CAPN2: variants seen among roughly 807,000 people sequenced by gnomAD.
CAPN2 encodes calpain-2 catalytic subunit.
Under a neutral mutation model 102.3 loss-of-function variants are expected in CAPN2, and 92 were observed. The observed-to-expected ratio is 0.90, with a 90% CI of 0.76 to 1.07. The LOEUF is 1.07. CAPN2 is among the 50% of genes least tolerant of loss of function. The probability of loss-of-function intolerance (pLI) is 0.00; values close to 1 mark genes in which losing one functional copy is unlikely to be tolerated. For missense variants in CAPN2, 800 were observed against 909.4 expected, an observed-to-expected ratio of 0.88 and a Z score of 1.55; for synonymous variants, 340 against 355.4, an observed-to-expected ratio of 0.96 and a Z score of 0.49.
chr1:223,770,300 T>G, intron 17 of CAPN2, 147 bp from the exon 18 acceptor site: 1 of 625,022 alleles, frequency 1.6e-6, no homozygotes, highest in Middle Eastern at 2.6e-4. Context: ...TATTAGTTAT[T>G]TAAGGCAGAA....
At chr1:223,734,183 C>G (rs1017184897) in intron 2 of CAPN2, among the ~76,000 whole-genome samples, 3 of 152,246 alleles carry the variant, frequency 2.0e-5, no homozygotes, top group African/African-American at 7.2e-5. Flanking sequence ...GAGACCCGGT[C>G]AGGCCTGGGT....
chr1:223,730,635 G>A (rs1285899191), intron 2 of CAPN2, among the ~76,000 whole-genome samples: 4 of 152,188 alleles, frequency 2.6e-5, no homozygotes, highest in Non-Finnish European at 5.9e-5. Flanking sequence ...AGTCTGTTTT[G>A]TGAGTCTTAA....
chr1:223,730,746 C>T (rs951010002), intron 2 of CAPN2, among the ~76,000 whole-genome samples: 1 of 152,184 alleles, frequency 6.6e-6, no homozygotes, highest in Non-Finnish European at 1.5e-5. Context: ...GTGGCCTGAA[C>T]TTGTTTTTCA....
chr1:223,730,010 CAAAAAAAAAAAAAAAAAAAA>C (rs57382658), intron 2 of CAPN2, among the ~76,000 whole-genome samples: 1 of 79,038 alleles, frequency 1.3e-5, no homozygotes, highest in South Asian at 6.1e-4. Flanking sequence ...CCCAAAAAAC[CAAAAAAAAAAAAAAAAAAAA>C]AAAAACGAAA....
intron 2 of CAPN2, among the ~76,000 whole-genome samples, chr1:223,728,123 G>A (rs1660245488): frequency 6.6e-6 from 1 of 152,114 alleles, no homozygotes; most frequent in African/African-American, 2.4e-5. Context: ...TGTCACACCT[G>A]TATCTAGTGT....
At chr1:223,774,155 C>G (rs1480702829) in intron 20 of CAPN2, among the ~76,000 whole-genome samples, 1 of 151,468 alleles carries the variant, frequency 6.6e-6, no homozygotes, top group Non-Finnish European at 1.5e-5. Flanking sequence ...ACCCCAGCCA[C>G]CCACCCCCAC....
At chr1:223,734,655 C>T (rs1412239649) in intron 2 of CAPN2, among the ~76,000 whole-genome samples, 1 of 152,120 alleles carries the variant, frequency 6.6e-6, no homozygotes, top group Non-Finnish European at 1.5e-5. Flanking sequence ...AACCCTGGCA[C>T]CCTTTCGAGG....
intron 2 of CAPN2, among the ~76,000 whole-genome samples, chr1:223,739,182 ATTT>A (rs5781334): frequency 4.5e-5 from 6 of 132,426 alleles, no homozygotes; most frequent in Admixed American, 7.8e-5. Context: ...GCATAAACAG[ATTT>A]TTTTTTTTTT....
At position 223,766,499 on chromosome 1, in the gene CAPN2, A is replaced by G. The variant is rs1571819195; in HGVS notation, c.1755+68A>G. On this transcript the variant is annotated intron_variant, in intron 16 of 20. Transcript: ENST00000295006. ...TAAAATCTCACTCCAGAAAGATTCAAACACATGGCCTTCTCCCTTTTCAAA... is the reference window on the plus strand; with the variant it reads ...TAAAATCTCACTCCAGAAAGATTCAGACACATGGCCTTCTCCCTTTTCAAA... 11 of 1,214,440 alleles carry G rather than the reference A, an allele frequency of 9.1e-6. No individual in the cohort carries two copies. The East Asian group carries it at 1.9e-4, about 21-fold the overall frequency. 75.2% of individuals were successfully genotyped at this position (1,214,440 alleles called of 1,614,324 possible).
At chr1:223,752,739 C>T in intron 8 of CAPN2, 57 bp from the exon 9 acceptor site, 1 of 1,581,028 alleles carries the variant, frequency 6.3e-7, no homozygotes, top group Non-Finnish European at 8.7e-7. Context: ...GGTGGAAAGT[C>T]AAGGCTTACC....
At chr1:223,772,293 G>C in intron 20 of CAPN2, 54 bp downstream of exon 20, 1 of 1,481,636 alleles carries the variant, frequency 6.7e-7, no homozygotes, top group Non-Finnish European at 9.4e-7. Flanking sequence ...GCATGGGGCG[G>C]AAAGGGCTGT....
chr1:223,711,226 T>C (rs1659719754), upstream of CAPN2, among the ~76,000 whole-genome samples: 1 of 152,200 alleles, frequency 6.6e-6, no homozygotes, highest in South Asian at 2.1e-4. Flanking sequence ...ACCACTGCTG[T>C]AGACCATGCA....
chr1:223,715,057 G>A (rs1646036460), intron 1 of CAPN2, among the ~76,000 whole-genome samples: 1 of 152,224 alleles, frequency 6.6e-6, no homozygotes, highest in Non-Finnish European at 1.5e-5. Context: ...CATAGATCCA[G>A]GACTGTGTGT....
chr1:223,755,681 C>A lies in CAPN2; in HGVS notation c.1305+32C>A. The A allele has an allele frequency of 1.3e-6, 2 of 1,527,298 alleles. No individual in the cohort carries two copies. The highest frequency in any genetic ancestry group is 1.8e-6 in the Non-Finnish European group (2 of 1,136,196). 94.6% of individuals were successfully genotyped at this position (1,527,298 alleles called of 1,614,324 possible). ...AGCGCAGGGGCTCCTGCCCTCCCTT[C>A]CCCATGTGTTCATCTCAGCCCCTGC... On this transcript the variant is annotated intron_variant, in intron 10 of 20. Transcript: ENST00000295006. This position sits in a 1 kb window ranked among gnomAD's most constrained non-coding sequence, Gnocchi z 4.1.
At chr1:223,702,674 G>C (rs1659514875) in intron 1 of CAPN2, among the ~76,000 whole-genome samples, 1 of 152,182 alleles carries the variant, frequency 6.6e-6, no homozygotes, top group South Asian at 2.1e-4. Flanking sequence ...CTCCCAGAGA[G>C]AGAAGCAGCC....
rs1660207133 is a variant in CAPN2, at chr1:223,726,872, A to T, written c.307+9041A>T. ...AGACTCTGAAATGAGTAACAAAGGGATGGCCCAGGGTGACTCATCAGCTAC... is the reference window on the plus strand; with the variant it reads ...AGACTCTGAAATGAGTAACAAAGGGTTGGCCCAGGGTGACTCATCAGCTAC... On this transcript the variant is annotated intron_variant, in intron 2 of 20. Coordinates refer to ENST00000295006, the MANE Select transcript of CAPN2 (RefSeq NM_001748.5). The surrounding 1 kb of genome is among the most constrained non-coding windows in gnomAD (Gnocchi z 4.4). Among the ~76,000 whole-genome samples, 4 of 152,030 alleles carry T rather than the reference A, an allele frequency of 2.6e-5. No individual in the cohort carries two copies. Among genetic ancestry groups the T allele is most frequent in the Admixed American group, 2.6e-4 (4 of 15,268 alleles).
At chr1:223,705,673 A>G (rs1339234409) in intron 1 of CAPN2, among the ~76,000 whole-genome samples, 1 of 152,148 alleles carries the variant, frequency 6.6e-6, no homozygotes, top group African/African-American at 2.4e-5. Flanking sequence ...CTGACATCTG[A>G]GGTGATCACT....
At chr1:223,716,841 A>G in intron 1 of CAPN2, among the ~76,000 whole-genome samples, 1 of 152,082 alleles carries the variant, frequency 6.6e-6, no homozygotes, top group East Asian at 1.9e-4. Flanking sequence ...CAGGCTGCTC[A>G]TGACAATGGC....
intron 2 of CAPN2, among the ~76,000 whole-genome samples, chr1:223,719,280 T>C (rs1196647995): frequency 6.6e-6 from 1 of 152,138 alleles, no homozygotes; most frequent in Admixed American, 6.5e-5. Flanking sequence ...CTCACATCTG[T>C]AATCCCAGCA....
Sources: gnomAD v4.1 joint callset for allele counts (sites outside exome capture counted in the v4.1 genomes callset) on GRCh38, gnomAD v4.1.1 for gene constraint, Gnocchi (gnomAD v3.1) non-coding constraint, MANE v1.5 for transcripts, NCBI Gene and HGNC (gene_info 2026-07-23, HGNC 2026-07-21) for gene names.